The following GRM5 variants were observed in gnomAD, a reference collection of about 807,000 sequenced individuals.
GRM5 encodes the protein glutamate metabotropic receptor 5.
A neutral mutation model predicts 83.1 loss-of-function variants in GRM5; 19 were observed. That is an observed-to-expected ratio of 0.23 (90% CI 0.16 to 0.34). The LOEUF is 0.34. Ranked by LOEUF, GRM5 falls within the 10% of genes least tolerant of loss-of-function variation. The probability of loss-of-function intolerance (pLI) is 1.00; values close to 1 mark genes in which losing one functional copy is unlikely to be tolerated. For synonymous variants in GRM5, 675 were observed against 633.6 expected (o/e 1.07, Z -0.98); for missense variants, 1,160 against 1,588.3 (o/e 0.73, Z 4.58).
chr11:88,605,709 G>C (rs1430644932), intron 4 of GRM5, among the ~76,000 whole-genome samples: 1 of 152,180 alleles, frequency 6.6e-6, no homozygotes, highest in Non-Finnish European at 1.5e-5. Context: ...ACATGTGGAG[G>C]TAAAATCTAT....
chr11:88,677,425 T>C (rs1940361696), intron 3 of GRM5, among the ~76,000 whole-genome samples: 1 of 152,124 alleles, frequency 6.6e-6, no homozygotes, highest in Admixed American at 6.6e-5. Flanking sequence ...ACTCAGAACA[T>C]TTCCTGGGAA....
intron 3 of GRM5, among the ~76,000 whole-genome samples, chr11:88,713,571 T>TGTTATATGATGG (rs1941330310): frequency 6.6e-6 from 1 of 152,044 alleles, no homozygotes; most frequent in Non-Finnish European, 1.5e-5. Flanking sequence ...ATGAAGAATA[T>TGTTATATGATGG]TTACCCATCT....
chr11:88,693,991 A>C (rs1056804879), intron 3 of GRM5, among the ~76,000 whole-genome samples: 1 of 152,220 alleles, frequency 6.6e-6, no homozygotes, highest in Admixed American at 6.5e-5. Context: ...TTTTTGTAGT[A>C]AAACAGACAT....
At chr11:88,822,883 G>A (rs572119550) in intron 3 of GRM5, among the ~76,000 whole-genome samples, 48 of 149,838 alleles carry the variant, frequency 3.2e-4, no homozygotes, top group African/African-American at 9.6e-4. Flanking sequence ...CCAGTTTTTT[G>A]AAGTGTGACT....
At chr11:88,582,277 A>C (rs1035700581) in intron 7 of GRM5, among the ~76,000 whole-genome samples, 16 of 152,216 alleles carry the variant, frequency 1.1e-4, no homozygotes, top group African/African-American at 3.9e-4. Flanking sequence ...AATATGTGCT[A>C]ATGAATAATT....
chr11:88,674,491 GA>G (rs1285860338), intron 3 of GRM5, among the ~76,000 whole-genome samples: 1 of 151,814 alleles, frequency 6.6e-6, no homozygotes, highest in Non-Finnish European at 1.5e-5. Context: ...TGCTCCAGAG[GA>G]ACCTCCAATA....
chr11:88,838,557 T>C lies in GRM5; in HGVS notation c.911+11349A>G, dbSNP rs531904459. ...ATTTGGTTTTCATTTAGCTAATATATACTAATTCCATGACTTCTTGCTGGT... is the reference window on the plus strand; with the variant it reads ...ATTTGGTTTTCATTTAGCTAATATACACTAATTCCATGACTTCTTGCTGGT... On this transcript the variant is annotated intron_variant, in intron 3 of 9. Transcript: ENST00000305447. 5.3e-5 allele frequency among the ~76,000 whole-genome samples: 8 copies of C among 152,278 alleles called. No homozygotes were observed. In the South Asian group the frequency reaches 1.4e-3, roughly 28 times the overall value.
chr11:88,952,830 C>T (rs1239620841), intron 2 of GRM5, among the ~76,000 whole-genome samples: 5 of 152,040 alleles, frequency 3.3e-5, no homozygotes, highest in Admixed American at 1.3e-4. Flanking sequence ...GAAAATAAAA[C>T]AGGAACAGAT....
chr11:89,023,157 G>A (rs1180791660), intron 2 of GRM5, among the ~76,000 whole-genome samples: 8 of 151,892 alleles, frequency 5.3e-5, no homozygotes, highest in African/African-American at 1.9e-4. Flanking sequence ...GTGTGTGTGT[G>A]TGTGTGTGCG....
At chr11:88,904,309 G>A (rs1945367748) in intron 2 of GRM5, among the ~76,000 whole-genome samples, 2 of 152,048 alleles carry the variant, frequency 1.3e-5, no homozygotes, top group South Asian at 4.1e-4. Context: ...TTTCCTTCAG[G>A]AGCCCATACT....
intron 3 of GRM5, among the ~76,000 whole-genome samples, chr11:88,803,324 G>A (rs1220322061): frequency 1.3e-5 from 2 of 151,878 alleles, no homozygotes; most frequent in Non-Finnish European, 2.9e-5. Context: ...CATGGTACTG[G>A]TACCAAAACA....
intron 3 of GRM5, among the ~76,000 whole-genome samples, chr11:88,729,501 T>C (rs1941758443): frequency 6.6e-6 from 1 of 152,208 alleles, no homozygotes; most frequent in South Asian, 2.1e-4. Flanking sequence ...TACCATTGAC[T>C]TTCTTCAAAG....
chr11:88,940,728 T>C (rs566299963), intron 2 of GRM5, among the ~76,000 whole-genome samples: 10 of 151,992 alleles, frequency 6.6e-5, no homozygotes, highest in African/African-American at 2.4e-4. Context: ...CTTTGATTAG[T>C]TGATTTCCCG....
chr11:88,595,690 C>T (rs371913373), intron 6 of GRM5, among the ~76,000 whole-genome samples: 29 of 152,204 alleles, frequency 1.9e-4, no homozygotes, highest in African/African-American at 6.7e-4. Flanking sequence ...TCTGGCAGGC[C>T]CAGATGAAGG....
At position 88,787,344 on chromosome 11, in the gene GRM5, T is replaced by C. The variant is rs1007141051; in HGVS notation, c.911+62562A>G. Among the ~76,000 whole-genome samples the C allele has an allele frequency of 3.3e-5, 5 of 151,994 alleles. No homozygotes were observed. In the South Asian group the frequency reaches 8.3e-4, roughly 25 times the overall value. On this transcript the variant is annotated intron_variant, in intron 3 of 9. Transcript: ENST00000305447. ...GGGCAGGAAAGAAATGAAATTTTTT[T>C]ATATCACAAAAATTAAAAAGGAGAG...
rs58256186 is a variant in GRM5 at position 88,615,649 on chromosome 11, T to TAAA, written c.1148-10688_1148-10686dup. On this transcript the variant is annotated intron_variant, in intron 4 of 9. Coordinates refer to ENST00000305447, the MANE Select transcript of GRM5 (RefSeq NM_001143831.3). ...CTATTTCCACTATAGATTAAGAAAC[T>TAAA]AAAAAAAAAAAAAAAAAAATCAAAG... 8.3e-3 allele frequency among the ~76,000 whole-genome samples: 994 copies of TAAA among 119,718 alleles called. 16 individuals are homozygous for TAAA. The highest frequency in any genetic ancestry group is 0.028 in the African/African-American group (939 of 33,752). The allele number at this position is 119,718 out of a possible 152,430, so 78.5% of individuals were successfully genotyped here. A position where few individuals can be genotyped will look rare whatever the true frequency, so the allele number is the denominator to read the frequency against.
chr11:89,052,362 T>C lies in GRM5; in HGVS notation c.-200-4290A>G, dbSNP rs188791826. On this transcript the variant is annotated intron_variant, in intron 1 of 9. Coordinates refer to ENST00000305447, the MANE Select transcript of GRM5 (RefSeq NM_001143831.3). ...GGGGCCAGATTTTGGAAAAGCCAGC[T>C]ATGAAAAGGAGTCAACCCAAAAAGT... Among the ~76,000 whole-genome samples the C allele has an allele frequency of 4.3e-4, 66 of 152,258 alleles. No individual in the cohort carries two copies. In the East Asian group the frequency reaches 0.01, roughly 24 times the overall value.
chr11:88,930,661 C>T (rs1463544458), intron 2 of GRM5, among the ~76,000 whole-genome samples: 2 of 152,030 alleles, frequency 1.3e-5, no homozygotes, highest in Non-Finnish European at 2.9e-5. Flanking sequence ...AATTCTCCTG[C>T]CTCAGCTTCC....
At chr11:88,951,359 G>GTC (rs1938456035) in intron 2 of GRM5, among the ~76,000 whole-genome samples, 1 of 152,212 alleles carries the variant, frequency 6.6e-6, no homozygotes, top group Admixed American at 6.5e-5. Flanking sequence ...GATTTTGGGA[G>GTC]ATATGAGAAG....
Sources: allele counts gnomAD v4.1 joint callset (sites outside exome capture counted in the v4.1 genomes callset), GRCh38; gene constraint gnomAD v4.1.1; transcripts MANE v1.5; gene names NCBI Gene and HGNC (gene_info 2026-07-23, HGNC 2026-07-21).